Variants in UBE2W observed in about 807,000 individuals in gnomAD.
UBE2W encodes the protein ubiquitin-conjugating enzyme E2 W.
Under a neutral mutation model 27.2 loss-of-function variants are expected in UBE2W, and 18 were observed. The observed-to-expected ratio is 0.66, with a 90% CI of 0.46 to 0.98. The LOEUF (loss-of-function observed/expected upper bound fraction) is 0.98. UBE2W is among the 50% of genes least tolerant of loss of function. The pLI is 0.00. For missense variants in UBE2W, 90 were observed against 180.2 expected, an observed-to-expected ratio of 0.50 and a Z score of 2.87; for synonymous variants, 53 against 57.2, an observed-to-expected ratio of 0.93 and a Z score of 0.33.
At position 73,787,790 on chromosome 8, in the gene UBE2W, T is replaced by A. The variant is rs940119969; in HGVS notation, c.*6312A>T. On this transcript the variant is annotated 3_prime_UTR_variant, in exon 6 of 6. Coordinates refer to ENST00000602593, the MANE Select transcript of UBE2W (RefSeq NM_018299.6). ...AGTTCTTAGAGTATGCCCTTAATTG[T>A]ACAACTTGAAGTTCAGGAACATCGG... 3 of 985,444 alleles carry A rather than the reference T, an allele frequency of 3.0e-6. No individual in the cohort carries two copies. Among genetic ancestry groups the A allele is most frequent in the Non-Finnish European group, 3.6e-6 (3 of 829,920 alleles). The allele number at this position is 985,444 out of a possible 1,614,324, so 61.0% of individuals were successfully genotyped here. A position where few individuals can be genotyped will look rare whatever the true frequency, so the allele number is the denominator to read the frequency against.
intron 3 of UBE2W, among the ~76,000 whole-genome samples, chr8:73,820,075 A>G (rs1000496475): frequency 3.9e-5 from 6 of 152,196 alleles, no homozygotes; most frequent in Non-Finnish European, 8.8e-5. Flanking sequence ...TGCTTGGATT[A>G]CAGGCATGAG....
intron 3 of UBE2W, among the ~76,000 whole-genome samples, chr8:73,819,465 T>A (rs1809522186): frequency 6.6e-6 from 1 of 152,200 alleles, no homozygotes; most frequent in African/African-American, 2.4e-5. Flanking sequence ...GCCCAATGCC[T>A]TTTAAAACTC....
At position 73,788,571 on chromosome 8, in the gene UBE2W, A is replaced by C. The variant is rs1309870510; in HGVS notation, c.*5531T>G. ...GATGCATTTTCATGGTATCTGACAC[A>C]ATTTACCAAGTTCCTTATGGTAGAT... On this transcript the variant is annotated 3_prime_UTR_variant, in exon 6 of 6. Transcript: ENST00000602593. 19 of 985,336 alleles carry C rather than the reference A, an allele frequency of 1.9e-5. No homozygotes were observed. Among genetic ancestry groups the C allele is most frequent in the Non-Finnish European group, 2.3e-5 (19 of 829,934 alleles). The allele number at this position is 985,336 out of a possible 1,614,324, so 61.0% of individuals were successfully genotyped here. A position where few individuals can be genotyped will look rare whatever the true frequency, so the allele number is the denominator to read the frequency against.
intron 1 of UBE2W, among the ~76,000 whole-genome samples, chr8:73,832,109 AAAAC>A (rs1285440372): frequency 2.7e-5 from 4 of 148,302 alleles, no homozygotes; most frequent in African/African-American, 1.0e-4. Flanking sequence ...TGTCTCTACA[AAAAC>A]AAACAAACAA....
At chr8:73,872,381 A>T (rs1247893021) in intron 1 of UBE2W, among the ~76,000 whole-genome samples, 1 of 152,232 alleles carries the variant, frequency 6.6e-6, no homozygotes, top group African/African-American at 2.4e-5. Flanking sequence ...CCTATAAAGG[A>T]ATAATTTAAA....
At chr8:73,816,396 AC>A (rs1809385424) in intron 3 of UBE2W, among the ~76,000 whole-genome samples, 3 of 152,290 alleles carry the variant, frequency 2.0e-5, no homozygotes, top group Admixed American at 2.0e-4. Flanking sequence ...CTTGAACATC[AC>A]CCATGAAAGA....
chr8:73,825,541 C>T (rs1393794458), intron 2 of UBE2W, among the ~76,000 whole-genome samples: 1 of 152,222 alleles, frequency 6.6e-6, no homozygotes, highest in East Asian at 1.9e-4. Flanking sequence ...TGGTGGCTCA[C>T]ACCTGTAATC....
At chr8:73,877,904 A>G (rs1812301285) in intron 1 of UBE2W, among the ~76,000 whole-genome samples, 2 of 152,258 alleles carry the variant, frequency 1.3e-5, no homozygotes, top group Admixed American at 1.3e-4. Flanking sequence ...ATTAAGTTGG[A>G]AAGCCAGAAA....
intron 1 of UBE2W, among the ~76,000 whole-genome samples, chr8:73,865,243 T>C (rs1283433536): frequency 8.2e-6 from 1 of 122,484 alleles, no homozygotes; most frequent in Non-Finnish European, 1.7e-5. Flanking sequence ...TACAAACAAA[T>C]GTTACGAAGA....
downstream of UBE2W, among the ~76,000 whole-genome samples, chr8:73,785,652 C>A (rs927303718): frequency 4.0e-5 from 6 of 151,826 alleles, no homozygotes; most frequent in South Asian, 1.3e-3. Flanking sequence ...AGTGCAATGG[C>A]ATGATCTTAG....
rs570254378 is a variant in UBE2W, at chr8:73,836,993, T to C, written c.16-6521A>G. ...TGAGAAATTAGGTTCCAGTGGTTCA[T>C]AGCCAAATATTACCCTTGTCTGTCC... On this transcript the variant is annotated intron_variant, in intron 1 of 5. Transcript: ENST00000602593. Among the ~76,000 whole-genome samples the C allele has an allele frequency of 1.1e-4, 17 of 152,334 alleles. No homozygotes were observed. In the South Asian group the frequency reaches 3.1e-3, roughly 28 times the overall value.
chr8:73,852,323 CAA>C (rs1258752731), intron 1 of UBE2W, among the ~76,000 whole-genome samples: 4 of 152,090 alleles, frequency 2.6e-5, no homozygotes, highest in African/African-American at 4.8e-5. Flanking sequence ...CTCCAAGAGG[CAA>C]AGAGTTTACT....
At chr8:73,835,122 T>A (rs1810253793) in intron 1 of UBE2W, among the ~76,000 whole-genome samples, 1 of 151,812 alleles carries the variant, frequency 6.6e-6, no homozygotes, top group African/African-American at 2.4e-5. Flanking sequence ...AGAATCAATC[T>A]GCATAACTAC....
intron 3 of UBE2W, among the ~76,000 whole-genome samples, chr8:73,818,527 A>G (rs978148603): frequency 2.6e-5 from 4 of 152,224 alleles, no homozygotes; most frequent in Non-Finnish European, 5.9e-5. Flanking sequence ...CAAAATTCTT[A>G]CAAGGGGCTA....
At chr8:73,862,112 G>A (rs1397288103) in intron 1 of UBE2W, among the ~76,000 whole-genome samples, 6 of 152,128 alleles carry the variant, frequency 3.9e-5, no homozygotes, top group Admixed American at 3.9e-4. Context: ...GTGAAGACGA[G>A]TCTACAACTT....
At chr8:73,863,920 A>AAAC (rs201007435) in intron 1 of UBE2W, among the ~76,000 whole-genome samples, 3,265 of 151,320 alleles carry the variant, frequency 0.022, 121 homozygotes, top group African/African-American at 0.077. Context: ...GTTAACTCAA[A>AAAC]AACAACAACA....
intron 1 of UBE2W, among the ~76,000 whole-genome samples, chr8:73,839,726 GT>G (rs149185338): frequency 0.1 from 12,789 of 123,112 alleles, 479 homozygotes; most frequent in East Asian, 0.3. Context: ...TTCTTTTTTG[GT>G]TTTTTTTTTT....
chr8:73,803,056 A>C (rs1010293237), intron 5 of UBE2W, among the ~76,000 whole-genome samples: 1 of 151,716 alleles, frequency 6.6e-6, no homozygotes, highest in Admixed American at 6.6e-5. Flanking sequence ...AATAAAAATA[A>C]AAATACAAAA....
At position 73,786,269 on chromosome 8, in the gene UBE2W, G is replaced by A. The variant is rs760281987; in HGVS notation, c.*7833C>T. The A allele has an allele frequency of 4.1e-5, 40 of 985,318 alleles. No homozygotes were observed. Among genetic ancestry groups the A allele is most frequent in the Non-Finnish European group, 4.7e-5 (39 of 829,932 alleles). 61.0% of individuals were successfully genotyped at this position (985,318 alleles called of 1,614,324 possible). A position where few individuals can be genotyped will look rare whatever the true frequency, so the allele number is the denominator to read the frequency against. ...AAAGTAGTTTTCTCAAACTCTCTGG[G>A]ATAGAAAGAGCAGGGTCCTGTTATA... On this transcript the variant is annotated 3_prime_UTR_variant, in exon 6 of 6. Transcript: ENST00000602593.
Sources: gnomAD v4.1 joint callset for allele counts (sites outside exome capture counted in the v4.1 genomes callset) on GRCh38, gnomAD v4.1.1 for gene constraint, MANE v1.5 for transcripts, NCBI Gene and HGNC (gene_info 2026-07-23, HGNC 2026-07-21) for gene names.